The following SYT1 variants were observed in gnomAD, a reference collection of about 807,000 sequenced individuals.
SYT1 encodes the protein synaptotagmin-1.
A neutral mutation model predicts 44.8 loss-of-function variants in SYT1; 8 were observed. The ratio of observed to expected loss-of-function variants is 0.18; its 90% CI spans 0.10 to 0.32. The LOEUF is 0.32. Ranked by LOEUF, SYT1 falls within the 10% of genes least tolerant of loss-of-function variation. The pLI is 1.00. For missense variants in SYT1, 286 were observed against 509.3 expected (o/e 0.56, Z 4.22); for synonymous variants, 154 against 188.8 (o/e 0.82, Z 1.51).
chr12:79,340,553 T>G (rs559786132), intron 8 of SYT1, among the ~76,000 whole-genome samples: 12 of 152,324 alleles, frequency 7.9e-5, no homozygotes, highest in Admixed American at 2.6e-4. Context: ...CTTATCAGCT[T>G]AAGGAGATTT....
At chr12:79,178,518 T>TTTTTG (rs1223784050) in intron 3 of SYT1, among the ~76,000 whole-genome samples, 3 of 151,998 alleles carry the variant, frequency 2.0e-5, no homozygotes, top group Admixed American at 6.6e-5. Context: ...AGACATTTGT[T>TTTTTG]TTTTGTTTTG....
At chr12:79,330,700 A>G (rs905771112) in intron 8 of SYT1, among the ~76,000 whole-genome samples, 2 of 152,220 alleles carry the variant, frequency 1.3e-5, no homozygotes, top group Admixed American at 6.5e-5. Context: ...AGCACTTAGT[A>G]TATGCCAGGT....
intron 3 of SYT1, among the ~76,000 whole-genome samples, chr12:79,102,224 T>G (rs1878483302): frequency 6.6e-6 from 1 of 152,006 alleles, no homozygotes; most frequent in Non-Finnish European, 1.5e-5. Context: ...GAAATATACC[T>G]ACACATATGT....
At chr12:79,141,314 CTA>C (rs1200106491) in intron 3 of SYT1, among the ~76,000 whole-genome samples, 1 of 151,984 alleles carries the variant, frequency 6.6e-6, no homozygotes, top group Non-Finnish European at 1.5e-5. Context: ...CTGTGACACT[CTA>C]TGTATTCTTT....
chr12:79,128,400 A>AG (rs2138165172), intron 3 of SYT1, among the ~76,000 whole-genome samples: 1 of 152,322 alleles, frequency 6.6e-6, no homozygotes. Flanking sequence ...AAACAAAAAA[A>AG]GATACACAGA....
At position 79,364,000 on chromosome 12, in the gene SYT1, T is replaced by A. The variant is rs12318235; in HGVS notation, c.928+10381T>A. Among the ~76,000 whole-genome samples, 588 of 152,292 alleles carry A rather than the reference T, an allele frequency of 3.9e-3. 5 individuals carry two copies. Among genetic ancestry groups the A allele is most frequent in the African/African-American group, 0.013 (540 of 41,554 alleles). On this transcript the variant is annotated intron_variant, in intron 9 of 10. Coordinates refer to ENST00000261205, the MANE Select transcript of SYT1 (RefSeq NM_005639.3). ...ATATACCCTGCCTAAACAATCAGTT[T>A]TAAATTTTTAAATTCCACTAATCTA...
intron 1 of SYT1, among the ~76,000 whole-genome samples, chr12:78,910,308 C>T (rs1245779677): frequency 1.6e-4 from 25 of 151,916 alleles, no homozygotes. Flanking sequence ...TAAACCCTGA[C>T]CTCCTTGCCT....
chr12:78,967,718 C>T (rs1868281276), intron 1 of SYT1, among the ~76,000 whole-genome samples: 1 of 152,030 alleles, frequency 6.6e-6, no homozygotes, highest in Non-Finnish European at 1.5e-5. Context: ...GTAAAGAGAC[C>T]AGCAGCAAAG....
At chr12:78,955,909 CTT>C (rs909708774) in intron 1 of SYT1, among the ~76,000 whole-genome samples, 1 of 151,284 alleles carries the variant, frequency 6.6e-6, no homozygotes, top group African/African-American at 2.4e-5. Flanking sequence ...TTTCCCCTAT[CTT>C]TTGAAATTTC....
intron 3 of SYT1, among the ~76,000 whole-genome samples, chr12:79,168,734 A>C (rs1871347840): frequency 6.6e-6 from 1 of 152,026 alleles, no homozygotes; most frequent in African/African-American, 2.4e-5. Context: ...TTTTGAGGTC[A>C]CAACCAGACA....
chr12:79,119,264 G>T (rs1879461465), intron 3 of SYT1, among the ~76,000 whole-genome samples: 1 of 152,140 alleles, frequency 6.6e-6, no homozygotes, highest in Admixed American at 6.5e-5. Flanking sequence ...TACTGCTGGA[G>T]AAGTCAATAG....
upstream of SYT1, chr12:78,864,023 G>A (rs1873404594): frequency 2.0e-5 from 3 of 152,184 alleles, no homozygotes; most frequent in African/African-American, 7.2e-5. Flanking sequence ...TTCGCGGGAA[G>A]TCCCCAGGCT....
intron 3 of SYT1, among the ~76,000 whole-genome samples, chr12:79,098,121 T>C (rs1167745970): frequency 6.6e-6 from 1 of 152,112 alleles, no homozygotes; most frequent in East Asian, 1.9e-4. Context: ...ATTCTTCATT[T>C]CATTTTATTT....
At chr12:79,348,274 C>T (rs1434656708) in intron 8 of SYT1, among the ~76,000 whole-genome samples, 1 of 152,124 alleles carries the variant, frequency 6.6e-6, no homozygotes, top group Non-Finnish European at 1.5e-5. Flanking sequence ...TATTATGAGG[C>T]TATTACAGAG....
chr12:79,262,337 C>T (rs1877875388), intron 4 of SYT1, among the ~76,000 whole-genome samples: 1 of 152,176 alleles, frequency 6.6e-6, no homozygotes, highest in Non-Finnish European at 1.5e-5. Context: ...TTAACTCCAA[C>T]CTTATGACTC....
At chr12:79,159,878 C>T (rs1315895525) in intron 3 of SYT1, among the ~76,000 whole-genome samples, 1 of 152,102 alleles carries the variant, frequency 6.6e-6, no homozygotes, top group Non-Finnish European at 1.5e-5. Flanking sequence ...GCAGGGAATG[C>T]ATCTCAGAAT....
chr12:79,033,942 G>GT (rs1872970858), intron 2 of SYT1, among the ~76,000 whole-genome samples: 1 of 151,384 alleles, frequency 6.6e-6, no homozygotes, highest in East Asian at 1.9e-4. Flanking sequence ...TAGACATGTG[G>GT]TTTTGTTTTA....
chr12:79,171,425 T>C (rs916095478), intron 3 of SYT1, among the ~76,000 whole-genome samples: 4 of 152,010 alleles, frequency 2.6e-5, no homozygotes, highest in African/African-American at 9.7e-5. Context: ...GTTAGCTGTA[T>C]TCCTAGGTAT....
intron 2 of SYT1, among the ~76,000 whole-genome samples, chr12:79,016,299 G>T (rs1336323321): frequency 6.6e-6 from 1 of 152,124 alleles, no homozygotes; most frequent in African/African-American, 2.4e-5. Context: ...GCTCTTCAAT[G>T]CTCTGATATC....
Sources: gnomAD v4.1 joint callset for allele counts (sites outside exome capture counted in the v4.1 genomes callset) on GRCh38, gnomAD v4.1.1 for gene constraint, MANE v1.5 for transcripts, NCBI Gene and HGNC (gene_info 2026-07-23, HGNC 2026-07-21) for gene names.